UQCC6: variants seen among roughly 807,000 people sequenced by gnomAD.
UQCC6 encodes ubiquinol-cytochrome c reductase complex assembly factor 6.
chr12:103,955,258 A>T, the UQCC6 span, among the ~76,000 whole-genome samples: 3 of 152,224 alleles, frequency 2.0e-5, no homozygotes, highest in Non-Finnish European at 4.4e-5. Flanking sequence ...CAGAGGTTGC[A>T]GTGAGCTCAG....
At chr12:103,960,835 T>C in the UQCC6 span, among the ~76,000 whole-genome samples, 1 of 152,262 alleles carries the variant, frequency 6.6e-6, no homozygotes, top group Non-Finnish European at 1.5e-5. Context: ...GCCAGTCATC[T>C]AAAAGTATAC....
the UQCC6 span, among the ~76,000 whole-genome samples, chr12:103,960,737 C>T: frequency 3.3e-5 from 5 of 152,222 alleles, no homozygotes; most frequent in African/African-American, 9.6e-5. Context: ...AAGATTACAA[C>T]GAACCTGAAA....
chr12:103,964,567 T>A, the UQCC6 span, among the ~76,000 whole-genome samples: 27 of 152,342 alleles, frequency 1.8e-4, no homozygotes, highest in African/African-American at 6.3e-4. Flanking sequence ...GCAGACATCC[T>A]GAGAAAAGTT....
the UQCC6 span, chr12:103,953,434 AC>A: frequency 7.1e-6 from 5 of 702,312 alleles, no homozygotes; most frequent in East Asian, 1.3e-4. Context: ...TCTCCCCAAC[AC>A]AGCACTGAGC....
the UQCC6 span, among the ~76,000 whole-genome samples, chr12:103,958,518 T>G: frequency 9.2e-5 from 14 of 152,186 alleles, no homozygotes; most frequent in African/African-American, 2.9e-4. Context: ...TAAGTTAGTT[T>G]GCATTTTCTG....
the UQCC6 span, among the ~76,000 whole-genome samples, chr12:103,957,467 A>G: frequency 6.6e-6 from 1 of 152,182 alleles, no homozygotes; most frequent in Non-Finnish European, 1.5e-5. Context: ...CACACAAAGG[A>G]AACCACGCCT....
the UQCC6 span, among the ~76,000 whole-genome samples, chr12:103,960,836 A>G: frequency 6.6e-6 from 1 of 152,350 alleles, no homozygotes; most frequent in Non-Finnish European, 1.5e-5. Context: ...CCAGTCATCT[A>G]AAAGTATACC....
the UQCC6 span, chr12:103,951,434 G>C: frequency 2.9e-6 from 2 of 696,440 alleles, no homozygotes; most frequent in Non-Finnish European, 4.8e-6. Context: ...GTTAGCATTA[G>C]ACTAAGTGCT....
At chr12:103,953,466 T>C in the UQCC6 span, 57 of 702,402 alleles carry the variant, frequency 8.1e-5, no homozygotes, top group East Asian at 4.3e-4. Flanking sequence ...GCAGTCATCA[T>C]GGTCTCCTCT....
At chr12:103,964,088 C>A in the UQCC6 span, among the ~76,000 whole-genome samples, 2 of 146,486 alleles carry the variant, frequency 1.4e-5, no homozygotes, top group African/African-American at 2.5e-5. Context: ...ACTGCTTCAC[C>A]ATTTTTAGGT....
chr12:103,959,715 AAATAAT>A, the UQCC6 span, among the ~76,000 whole-genome samples: 3 of 152,086 alleles, frequency 2.0e-5, no homozygotes, highest in Non-Finnish European at 4.4e-5. Flanking sequence ...CCGTCTCAAA[AAATAAT>A]AATAATAATT....
the UQCC6 span, chr12:103,953,511 C>A: frequency 2.8e-6 from 2 of 702,332 alleles, no homozygotes; most frequent in South Asian, 3.0e-5. Flanking sequence ...GTTCTCCGAC[C>A]GAAAGACTTG....
the UQCC6 span, among the ~76,000 whole-genome samples, chr12:103,960,570 T>C: frequency 6.6e-6 from 1 of 152,186 alleles, no homozygotes. Context: ...TATTTTTATA[T>C]GTGGAAAAAA....
chr12:103,956,519 A>T, the UQCC6 span: 1 of 696,208 alleles, frequency 1.4e-6, no homozygotes, highest in Non-Finnish European at 2.5e-6. Context: ...AGGAGAATGG[A>T]GTGGTCCAGG....
chr12:103,960,974 T>C, the UQCC6 span, among the ~76,000 whole-genome samples: 1 of 152,066 alleles, frequency 6.6e-6, no homozygotes, highest in African/African-American at 2.4e-5. Context: ...GAAAGTTAAC[T>C]GTAAAACAGC....
the UQCC6 span, among the ~76,000 whole-genome samples, chr12:103,954,130 T>C: frequency 6.6e-6 from 1 of 152,244 alleles, no homozygotes; most frequent in African/African-American, 2.4e-5. Context: ...TGAAATACTA[T>C]GCAATAGTTA....
At chr12:103,956,415 G>A in the UQCC6 span, 1 of 509,790 alleles carries the variant, frequency 2.0e-6, no homozygotes, top group South Asian at 2.5e-5. Flanking sequence ...CACAGGCCAT[G>A]CATTGCCCTA....
chr12:103,953,815 C>T, the UQCC6 span, among the ~76,000 whole-genome samples: 1 of 152,202 alleles, frequency 6.6e-6, no homozygotes, highest in Non-Finnish European at 1.5e-5. Flanking sequence ...CTTGCACATT[C>T]CCAATTATAA....
At chr12:103,959,271 G>A in the UQCC6 span, among the ~76,000 whole-genome samples, 3 of 152,188 alleles carry the variant, frequency 2.0e-5, no homozygotes, top group East Asian at 5.8e-4. Context: ...GGTTGACATC[G>A]GTTGATAGAT....
Sources: gnomAD v4.1 joint callset for allele counts (sites outside exome capture counted in the v4.1 genomes callset) on GRCh38, gnomAD v4.1.1 for gene constraint, MANE v1.5 for transcripts, NCBI Gene and HGNC (gene_info 2026-07-23, HGNC 2026-07-21) for gene names.